The following HMGN5 variants were observed in gnomAD, a reference collection of about 807,000 sequenced individuals.
The protein encoded by HMGN5 is high mobility group nucleosome-binding domain-containing protein 5.
HMGN5 carries 4 observed loss-of-function variants against 9.5 expected under a neutral mutation model. That is an observed-to-expected ratio of 0.42 (90% CI 0.21 to 0.96). The LOEUF (loss-of-function observed/expected upper bound fraction) is 0.96. Ranked by LOEUF, HMGN5 falls within the 40% of genes least tolerant of loss-of-function variation. The pLI is 0.30. For missense variants in HMGN5, 192 were observed against 187.5 expected (o/e 1.02, Z -0.14); for synonymous variants, 55 against 57.1 (o/e 0.96, Z 0.16).
intron 1 of HMGN5, among the ~76,000 whole-genome samples, chrX:81,171,450 A>C: frequency 8.9e-6 from 1 of 111,841 alleles, no homozygotes; most frequent in Non-Finnish European, 1.9e-5. Flanking sequence ...TTTGGAAGTC[A>C]GTGGAAATGT....
chrX:81,127,833 A>C (rs748020830), intron 1 of HMGN5, among the ~76,000 whole-genome samples: 2 of 111,652 alleles, frequency 1.8e-5, no homozygotes, highest in East Asian at 5.6e-4. Context: ...TGTATGGGGA[A>C]TTGGCAATCT....
chrX:81,132,051 G>T (rs2075298781), intron 1 of HMGN5, among the ~76,000 whole-genome samples: 1 of 111,254 alleles, frequency 9.0e-6, no homozygotes, highest in African/African-American at 3.3e-5. Flanking sequence ...AAAATCGCTA[G>T]CATTATTATA....
At chrX:81,129,443 C>T (rs185631498) in intron 1 of HMGN5, among the ~76,000 whole-genome samples, 76 of 110,602 alleles carry the variant, frequency 6.9e-4, no homozygotes, top group African/African-American at 2.1e-3. Flanking sequence ...GTGAATTTTT[C>T]GACCATATCC....
chrX:81,185,101 ATTCTGGG>A, intron 1 of HMGN5, among the ~76,000 whole-genome samples: 1 of 111,711 alleles, frequency 9.0e-6, no homozygotes, highest in Non-Finnish European at 1.9e-5. Context: ...AGCTTTGGCT[ATTCTGGG>A]TTTACTGTGG....
intron 1 of HMGN5, among the ~76,000 whole-genome samples, chrX:81,150,630 A>G (rs138609616): frequency 0.011 from 1,278 of 112,313 alleles, 18 homozygotes; most frequent in African/African-American, 0.038. Flanking sequence ...AAAATATAAA[A>G]GCAGTAATAA....
chrX:81,189,211 C>A (rs2075487015), intron 1 of HMGN5, among the ~76,000 whole-genome samples: 1 of 112,000 alleles, frequency 8.9e-6, no homozygotes, highest in Admixed American at 9.5e-5. Context: ...AAGTCTGCTG[C>A]CCGAGAGTCT....
At chrX:81,142,633 C>T (rs752394682) in intron 1 of HMGN5, among the ~76,000 whole-genome samples, 15 of 111,455 alleles carry the variant, frequency 1.3e-4, no homozygotes, top group Non-Finnish European at 2.4e-4. Context: ...GTAAAAATAT[C>T]CTTTAAGTAT....
chrX:81,153,688 A>C (rs1401089797), intron 1 of HMGN5, among the ~76,000 whole-genome samples: 1 of 88,653 alleles, frequency 1.1e-5, no homozygotes, highest in East Asian at 3.8e-4. Flanking sequence ...CCAGAATAAA[A>C]CTATTAGACT....
At chrX:81,186,177 A>G (rs899543783) in intron 1 of HMGN5, among the ~76,000 whole-genome samples, 2 of 111,717 alleles carry the variant, frequency 1.8e-5, no homozygotes, top group Non-Finnish European at 3.8e-5. Context: ...CAATAGTGTG[A>G]GTAGGTTGGT....
rs1413221928 is a variant in HMGN5, at chrX:81,143,217, AAGAAG to A, written c.-123-21550_-123-21546del. 4.5e-5 allele frequency among the ~76,000 whole-genome samples: 5 copies of A among 112,045 alleles called. No individual in the cohort carries two copies. The East Asian group carries it at 8.5e-4, about 19-fold the overall frequency. On this transcript the variant is annotated intron_variant, in intron 1 of 6. Coordinates refer to ENST00000358130, the MANE Select transcript of HMGN5 (RefSeq NM_030763.3). ...AAGGAAGACAGAAAGGAGAGAAAGA[AAGAAG>A]AGAACACCAAGAAACAACCAGAAAA...
At chrX:81,144,742 G>A in intron 1 of HMGN5, among the ~76,000 whole-genome samples, 1 of 111,122 alleles carries the variant, frequency 9.0e-6, no homozygotes, top group South Asian at 3.8e-4. Context: ...AAGGAAGCTA[G>A]GAACCTTGAA....
intron 1 of HMGN5, among the ~76,000 whole-genome samples, chrX:81,136,537 A>C (rs1484577027): frequency 9.0e-6 from 1 of 111,632 alleles, no homozygotes; most frequent in Non-Finnish European, 1.9e-5. Context: ...TGAAAACTAT[A>C]CAAAATATGC....
chrX:81,147,927 G>A (rs145815829), intron 1 of HMGN5, among the ~76,000 whole-genome samples: 2,031 of 111,501 alleles, frequency 0.018, 42 homozygotes, highest in African/African-American at 0.062. Context: ...ACTTACAGGG[G>A]ATGTGAAGGA....
intron 1 of HMGN5, among the ~76,000 whole-genome samples, chrX:81,185,504 T>C (rs1336031454): frequency 8.9e-6 from 1 of 112,107 alleles, no homozygotes; most frequent in Non-Finnish European, 1.9e-5. Context: ...TTAGTTCTAA[T>C]AGCTCTTTGG....
intron 2 of HMGN5, 105 bp from the exon 3 acceptor site, chrX:81,119,922 T>C (rs2075264339): frequency 1.4e-6 from 1 of 729,180 alleles, no homozygotes; most frequent in East Asian, 3.4e-5. Flanking sequence ...TGCTTATTAC[T>C]TTCTCCTGGG....
intron 1 of HMGN5, among the ~76,000 whole-genome samples, chrX:81,172,309 A>T (rs2075428210): frequency 9.0e-6 from 1 of 111,377 alleles, no homozygotes; most frequent in Non-Finnish European, 1.9e-5. Context: ...GGAAAATTTT[A>T]ACCTAAGCTG....
At chrX:81,172,922 G>T (rs1190369218) in intron 1 of HMGN5, among the ~76,000 whole-genome samples, 2 of 110,994 alleles carry the variant, frequency 1.8e-5, no homozygotes, top group Non-Finnish European at 3.8e-5. Flanking sequence ...ACTTCAGGAA[G>T]TAAGCACTCT....
At chrX:81,138,139 A>T (rs746260401) in intron 1 of HMGN5, among the ~76,000 whole-genome samples, 3 of 111,895 alleles carry the variant, frequency 2.7e-5, no homozygotes, top group African/African-American at 6.5e-5. Context: ...CAAAGATAGT[A>T]TAAAATAAGA....
intron 1 of HMGN5, among the ~76,000 whole-genome samples, chrX:81,186,246 T>A (rs754277613): frequency 1.8e-5 from 2 of 111,946 alleles, no homozygotes; most frequent in Admixed American, 9.5e-5. Flanking sequence ...GGTGCCAGGC[T>A]TTTCTTTACT....
Sources: gnomAD v4.1 joint callset for allele counts (sites outside exome capture counted in the v4.1 genomes callset) on GRCh38, gnomAD v4.1.1 for gene constraint, MANE v1.5 for transcripts, NCBI Gene and HGNC (gene_info 2026-07-23, HGNC 2026-07-21) for gene names.